Variants in LRP6 observed in about 807,000 individuals in gnomAD.
LRP6 encodes LDL receptor related protein 6.
LRP6 carries 43 observed loss-of-function variants against 184.1 expected under a neutral mutation model. That is an observed-to-expected ratio of 0.23 (90% CI 0.18 to 0.30). The LOEUF is 0.30. Ranked by LOEUF, LRP6 falls within the 10% of genes least tolerant of loss-of-function variation. The probability of loss-of-function intolerance (pLI) is 1.00; values close to 1 mark genes in which losing one functional copy is unlikely to be tolerated. For synonymous variants in LRP6, 719 were observed against 684.9 expected (o/e 1.05, Z -0.78); for missense variants, 1,571 against 2,005.3 (o/e 0.78, Z 4.14).
chr12:12,228,635 A>G (rs545713981), intron 2 of LRP6, among the ~76,000 whole-genome samples: 3 of 152,214 alleles, frequency 2.0e-5, no homozygotes, highest in African/African-American at 7.2e-5. Context: ...CTCCTGTCAC[A>G]TCAGTGGCAG....
chr12:12,176,548 T>C (rs1565603965), intron 7 of LRP6, among the ~76,000 whole-genome samples: 2 of 152,172 alleles, frequency 1.3e-5, no homozygotes, highest in African/African-American at 4.8e-5. Context: ...CTCTGTACAA[T>C]ATAAAAACAC....
chr12:12,221,296 G>T lies in LRP6; in HGVS notation c.450-17896C>A. On this transcript the variant is annotated intron_variant, in intron 2 of 22. Coordinates refer to ENST00000261349, the MANE Select transcript of LRP6 (RefSeq NM_002336.3). The stretch of plus-strand genomic sequence containing the variant: ...AGAGAAAACCCAATTGAACAGTTTG[G>T]TTCACCCATGCCTTCATAACTTCAA... Among the ~76,000 whole-genome samples the T allele has an allele frequency of 1.3e-5, 2 of 152,124 alleles. 1 individual carries two copies. The highest frequency in any genetic ancestry group is 3.8e-4 in the East Asian group (2 of 5,200).
chr12:12,225,281 A>G (rs949049117), intron 2 of LRP6, among the ~76,000 whole-genome samples: 4 of 152,124 alleles, frequency 2.6e-5, no homozygotes. Flanking sequence ...GTAAAAAGCT[A>G]AACAACAACA....
intron 18 of LRP6, 41 bp downstream of exon 18, chr12:12,131,780 A>G: frequency 2.6e-6 from 4 of 1,548,264 alleles, no homozygotes; most frequent in Non-Finnish European, 3.6e-6. Context: ...CTGAATGGGA[A>G]AAAAGGATTG....
intron 1 of LRP6, among the ~76,000 whole-genome samples, chr12:12,265,675 C>G (rs1313378604): frequency 6.6e-6 from 1 of 152,210 alleles, no homozygotes; most frequent in Non-Finnish European, 1.5e-5. Flanking sequence ...TTAAATTCCT[C>G]TGCTGGTAAA....
intron 12 of LRP6, among the ~76,000 whole-genome samples, chr12:12,157,018 G>A (rs1290044706): frequency 2.6e-5 from 4 of 152,186 alleles, no homozygotes; most frequent in Non-Finnish European, 4.4e-5. Flanking sequence ...CTGCCATGGC[G>A]AGAGCTGGGC....
intron 3 of LRP6, among the ~76,000 whole-genome samples, chr12:12,202,857 C>T (rs1268380353): frequency 6.6e-6 from 1 of 152,124 alleles, no homozygotes; most frequent in African/African-American, 2.4e-5. Flanking sequence ...ACCACCGGAA[C>T]TAAAATACTA....
At position 12,150,867 on chromosome 12, in the gene LRP6, A is replaced by G; in HGVS notation, c.2963T>C (p.Met988Thr). The change falls in exon 13 of 23, where the codon ATG becomes ACG. Residue 988 changes from methionine (M) to threonine (T), a missense_variant. By Grantham distance (81) the Met-to-Thr change is moderately conservative (BLOSUM62 -1). This residue lies in a region of LRP6 where 763 missense variants were observed against 859.5 expected (regional missense o/e 0.89). Transcript: ENST00000261349. ...GCCATCTTCTTGTGCCTTTCGGATC[A>G]TGTTTTGTCGTGAGTCAATCCAATA... is the stretch of plus-strand genomic sequence containing the variant. ...QLYWIDSRQNMIRKAQEDGSQ... is the reference protein window; with the variant it reads ...QLYWIDSRQNTIRKAQEDGSQ... 6.2e-7 allele frequency: 1 copy of G among 1,614,050 alleles called. No individual in the cohort carries two copies. Among genetic ancestry groups the G allele is most frequent in the Non-Finnish European group, 8.5e-7 (1 of 1,180,010 alleles).
intron 4 of LRP6, 120 bp from the exon 5 acceptor site, chr12:12,184,231 G>T: frequency 1.2e-6 from 1 of 801,750 alleles, no homozygotes; most frequent in Non-Finnish European, 2.2e-6. Context: ...GCAGGTGCTT[G>T]ACTATCAAAC....
At chr12:12,263,301 C>T (rs1470926055) in intron 1 of LRP6, among the ~76,000 whole-genome samples, 1 of 150,790 alleles carries the variant, frequency 6.6e-6, no homozygotes, top group East Asian at 1.9e-4. Flanking sequence ...TCTGGCCGGG[C>T]GTGGTGGCTC....
intron 10 of LRP6, 74 bp from the exon 11 acceptor site, chr12:12,160,038 G>GT: frequency 9.3e-7 from 1 of 1,076,810 alleles, no homozygotes; most frequent in Non-Finnish European, 1.3e-6. Context: ...TTCATGCAAA[G>GT]TAACTAAATA....
chr12:12,197,381 A>G (rs1471720713), intron 3 of LRP6, among the ~76,000 whole-genome samples: 1 of 152,196 alleles, frequency 6.6e-6, no homozygotes, highest in Non-Finnish European at 1.5e-5. Context: ...CAACACCACA[A>G]TTTGGGTGCT....
At position 12,249,314 on chromosome 12, in the gene LRP6, C is replaced by A; in HGVS notation, c.56-4659G>T. The A allele has an allele frequency of 2.6e-6, 3 of 1,139,984 alleles. 1 individual carries two copies. In the East Asian group the frequency reaches 7.0e-5, roughly 27 times the overall value. The allele number at this position is 1,139,984 out of a possible 1,614,324, so 70.6% of individuals were successfully genotyped here. ...GACCCAAGAGCCATATCAGTGCTAG[C>A]AAAATGGCAGAATTCACAGCACCAA... is the stretch of plus-strand genomic sequence containing the variant. On this transcript the variant is annotated intron_variant, in intron 1 of 22. Coordinates refer to ENST00000261349, the MANE Select transcript of LRP6 (RefSeq NM_002336.3).
Position 12,179,819 on chromosome 12 carries a change from G to A in LRP6, c.1536C>T (p.Asp512=), listed in dbSNP as rs145754795. The A allele has an allele frequency of 4.3e-5, 70 of 1,613,526 alleles. No homozygotes were observed. The highest frequency in any genetic ancestry group is 1.2e-4 in the Admixed American group (7 of 59,978). ...GKIYWGDAKT[D]KIEVMNTDGT... ...AAAGCAAAAAACAAACCTCAATCTT[G>A]TCTGTTTTGGCATCTCCCCAGTATA... The change falls in exon 7 of 23, where the codon GAC becomes GAT. Residue 512 remains aspartate, a synonymous_variant. Coordinates refer to ENST00000261349, the MANE Select transcript of LRP6 (RefSeq NM_002336.3).
Position 12,205,325 on chromosome 12 carries a change from C to CAAAAAAAAAAA in LRP6, c.450-1926_450-1925insTTTTTTTTTTT, listed in dbSNP as rs1334062234. ...CAACAGAATAAGACTCTGTCTCAAACAAACAAAAAAAAAAAAAAAAAAAAA... is the reference window on the plus strand; with the variant it reads ...CAACAGAATAAGACTCTGTCTCAAACAAAAAAAAAAAAAACAAAAAAAAAAAAAAAAAAAAA... On this transcript the variant is annotated intron_variant, in intron 2 of 22. Coordinates refer to ENST00000261349, the MANE Select transcript of LRP6 (RefSeq NM_002336.3). Among the ~76,000 whole-genome samples, 29 of 26,228 alleles carry CAAAAAAAAAAA rather than the reference C, an allele frequency of 1.1e-3. 1 individual carries two copies. Among genetic ancestry groups the CAAAAAAAAAAA allele is most frequent in the African/African-American group, 2.7e-3 (28 of 10,466 alleles). The allele number at this position is 26,228 out of a possible 152,430, so 17.2% of individuals were successfully genotyped here. A position where few individuals can be genotyped will look rare whatever the true frequency, so the allele number is the denominator to read the frequency against.
At chr12:12,252,138 G>A (rs1865338344) in intron 1 of LRP6, among the ~76,000 whole-genome samples, 1 of 152,062 alleles carries the variant, frequency 6.6e-6, no homozygotes, top group South Asian at 2.1e-4. Flanking sequence ...TCCCATCTTG[G>A]CCTCCCAAAG....
intron 2 of LRP6, among the ~76,000 whole-genome samples, chr12:12,204,279 CAA>C (rs61067494): frequency 0.059 from 5,714 of 96,216 alleles, 178 homozygotes; most frequent in Admixed American, 0.13. Context: ...TCATAAAAGT[CAA>C]AAAAAAAAAA....
At chr12:12,238,237 A>C (rs1864973911) in intron 2 of LRP6, among the ~76,000 whole-genome samples, 2 of 149,760 alleles carry the variant, frequency 1.3e-5, no homozygotes, top group Admixed American at 1.3e-4. Context: ...AAAAAAAAAC[A>C]GAAAGTGGCT....
At chr12:12,213,915 G>A (rs773007925) in intron 2 of LRP6, among the ~76,000 whole-genome samples, 2 of 152,098 alleles carry the variant, frequency 1.3e-5, no homozygotes, top group Non-Finnish European at 2.9e-5. Context: ...TCTGCAAAGT[G>A]AATACTTCAC....
Sources: gnomAD v4.1 joint callset for allele counts (sites outside exome capture counted in the v4.1 genomes callset) on GRCh38, gnomAD v4.1.1 for gene constraint, gnomAD v4.1.1 regional missense constraint, MANE v1.5 for transcripts, NCBI Gene and HGNC (gene_info 2026-07-23, HGNC 2026-07-21) for gene names.